The following NRG1 variants were observed in gnomAD, a reference collection of about 807,000 sequenced individuals.
The protein encoded by NRG1 is pro-neuregulin-1, membrane-bound isoform.
Under a neutral mutation model 63.8 loss-of-function variants are expected in NRG1, and 18 were observed. That is an observed-to-expected ratio of 0.28 (90% CI 0.19 to 0.42). The LOEUF (loss-of-function observed/expected upper bound fraction) is 0.42, where lower values mean the gene tolerates loss of function less well. NRG1 is among the 10% of genes least tolerant of loss of function. NRG1 has a pLI of 1.00. For missense variants in NRG1, 762 were observed against 814.7 expected, an observed-to-expected ratio of 0.94 and a Z score of 0.79; for synonymous variants, 302 against 301.3, an observed-to-expected ratio of 1.00 and a Z score of -0.02.
At chr8:32,757,458 A>G (rs1478786510) in intron 9 of NRG1, among the ~76,000 whole-genome samples, 1 of 152,202 alleles carries the variant, frequency 6.6e-6, no homozygotes, top group South Asian at 2.1e-4. Flanking sequence ...GAACAGATAT[A>G]TCATAGACCC....
In NRG1 at chr8:31,881,695, G is replaced by A. The variant is rs547291176; in HGVS notation, c.37+242264G>A. Among the ~76,000 whole-genome samples the A allele has an allele frequency of 2.3e-4, 35 of 152,286 alleles. 1 individual carries two copies. In the South Asian group the frequency reaches 6.4e-3, roughly 28 times the overall value. On this transcript the variant is annotated intron_variant, in intron 1 of 10. Coordinates refer to the NRG1 transcript ENST00000519301. ...TGAAGAAAACTAGAACTACTTTAGC[G>A]AATACACAAATGATAAGATAGTGTG...
At chr8:32,749,903 G>A in intron 7 of NRG1, 2 of 324,046 alleles carry the variant, frequency 6.2e-6, no homozygotes, top group Non-Finnish European at 1.1e-5. Flanking sequence ...TAAAAGCTGG[G>A]GTAAGTAGTA....
At chr8:32,735,433 A>G (rs572211137) in intron 6 of NRG1, among the ~76,000 whole-genome samples, 2 of 152,334 alleles carry the variant, frequency 1.3e-5, no homozygotes, top group African/African-American at 4.8e-5. Flanking sequence ...GAAAACGAAT[A>G]CACAATTTTG....
intron 1 of NRG1, among the ~76,000 whole-genome samples, chr8:31,780,800 G>A (rs1006190875): frequency 6.6e-6 from 1 of 152,176 alleles, no homozygotes; most frequent in African/African-American, 2.4e-5. Flanking sequence ...CCTGGGAGAT[G>A]AGGAACCTTG....
chr8:32,470,736 A>T (rs1587837633), intron 1 of NRG1, among the ~76,000 whole-genome samples: 1 of 151,826 alleles, frequency 6.6e-6, no homozygotes, highest in East Asian at 1.9e-4. Context: ...TCAACTCTTC[A>T]TTATGTTTTT....
rs189277697 is a variant in NRG1, at chr8:32,299,811, A to C, written c.38-296017A>C. Among the ~76,000 whole-genome samples the C allele has an allele frequency of 5.2e-3, 796 of 152,272 alleles. 4 individuals are homozygous for C. The highest frequency in any genetic ancestry group is 7.4e-3 in the Non-Finnish European group (506 of 68,014). The stretch of plus-strand genomic sequence containing the variant: ...TTCACTATCACGAGAACAGGATGGG[A>C]AAAACCCACTGCCATGATTGAATTC... On this transcript the variant is annotated intron_variant, in intron 1 of 10. Transcript: ENST00000519301.
At chr8:32,751,197 C>A (rs536175875) in intron 7 of NRG1, 1 of 152,162 alleles carries the variant, frequency 6.6e-6, no homozygotes, top group Non-Finnish European at 1.5e-5. Flanking sequence ...CCAGGCTTGC[C>A]GGTGTACTAA....
chr8:31,798,438 T>C (rs1387355888), intron 1 of NRG1, among the ~76,000 whole-genome samples: 1 of 152,236 alleles, frequency 6.6e-6, no homozygotes, highest in Non-Finnish European at 1.5e-5. Context: ...TCTTTTGCTG[T>C]CTTGCATTGT....
chr8:32,365,236 TC>T (rs1783819816), intron 1 of NRG1, among the ~76,000 whole-genome samples: 1 of 152,204 alleles, frequency 6.6e-6, no homozygotes, highest in African/African-American at 2.4e-5. Flanking sequence ...TGGTTCATGT[TC>T]TATTTGATAG....
At chr8:31,858,800 C>G (rs375149631) in intron 1 of NRG1, among the ~76,000 whole-genome samples, 11 of 152,298 alleles carry the variant, frequency 7.2e-5, no homozygotes, top group African/African-American at 2.6e-4. Context: ...CAACGCCCGA[C>G]TGCATGTTGC....
chr8:31,959,778 G>GATT (rs1554586448), intron 1 of NRG1, among the ~76,000 whole-genome samples: 1 of 116,068 alleles, frequency 8.6e-6, no homozygotes, highest in African/African-American at 3.3e-5. Context: ...AGCAACCACC[G>GATT]ATTATTTATT....
chr8:31,920,875 GATA>G (rs1833842911), intron 1 of NRG1, among the ~76,000 whole-genome samples: 1 of 136,410 alleles, frequency 7.3e-6, no homozygotes, highest in African/African-American at 2.8e-5. Context: ...TAGATAGATA[GATA>G]GATAGGTAGA....
At chr8:31,949,623 G>A (rs1219361319) in intron 1 of NRG1, among the ~76,000 whole-genome samples, 1 of 152,082 alleles carries the variant, frequency 6.6e-6, no homozygotes, top group Admixed American at 6.5e-5. Context: ...CCATTTGATA[G>A]CACCTCTTCC....
chr8:32,567,811 G>A (rs941348040), intron 1 of NRG1, among the ~76,000 whole-genome samples: 18 of 152,230 alleles, frequency 1.2e-4, no homozygotes, highest in African/African-American at 3.6e-4. Flanking sequence ...CAACACAAGC[G>A]TCTTTGCTTT....
At chr8:32,225,887 C>T (rs1846266101) in intron 1 of NRG1, among the ~76,000 whole-genome samples, 1 of 152,076 alleles carries the variant, frequency 6.6e-6, no homozygotes, top group Admixed American at 6.6e-5. Flanking sequence ...AGTCAGTTTC[C>T]TACCTCCTAG....
At chr8:31,791,350 C>A (rs368135935) in intron 1 of NRG1, among the ~76,000 whole-genome samples, 244 of 152,228 alleles carry the variant, frequency 1.6e-3, no homozygotes, top group African/African-American at 5.7e-3. Context: ...ACATAAAACA[C>A]TATTGCTATT....
intron 1 of NRG1, among the ~76,000 whole-genome samples, chr8:31,897,083 TTC>T (rs933049264): frequency 2.0e-5 from 3 of 152,232 alleles, no homozygotes; most frequent in Non-Finnish European, 4.4e-5. Context: ...CCCATTCAAA[TTC>T]TGTTTCTAGG....
chr8:32,431,972 G>A (rs182017033), intron 1 of NRG1, among the ~76,000 whole-genome samples: 6 of 152,178 alleles, frequency 3.9e-5, no homozygotes, highest in South Asian at 2.1e-4. Context: ...CATGGTAGTC[G>A]TTATTATTTA....
chr8:32,022,589 A>T (rs1816623845), intron 1 of NRG1, among the ~76,000 whole-genome samples: 1 of 152,192 alleles, frequency 6.6e-6, no homozygotes, highest in South Asian at 2.1e-4. Flanking sequence ...AGGGAGAGGG[A>T]ACTATTCAGA....
Sources: gnomAD v4.1 joint callset for allele counts (sites outside exome capture counted in the v4.1 genomes callset) on GRCh38, gnomAD v4.1.1 for gene constraint, MANE v1.5 for transcripts, NCBI Gene and HGNC (gene_info 2026-07-23, HGNC 2026-07-21) for gene names.